BRDT: variants seen among roughly 807,000 people sequenced by gnomAD.
BRDT encodes the protein bromodomain testis-specific protein.
BRDT carries 77 observed loss-of-function variants against 113.9 expected under a neutral mutation model. The ratio of observed to expected loss-of-function variants is 0.68; its 90% CI spans 0.56 to 0.82. The LOEUF (loss-of-function observed/expected upper bound fraction) is 0.82, where lower values mean the gene tolerates loss of function less well. Ranked by LOEUF, BRDT falls within the 40% of genes least tolerant of loss-of-function variation. BRDT has a pLI of 0.00. For missense variants in BRDT, 1,027 were observed against 1,105.4 expected (o/e 0.93, Z 1.01); for synonymous variants, 358 against 366.5 (o/e 0.98, Z 0.26).
chr1:92,001,466 C>A (rs1052521258), intron 15 of BRDT, among the ~76,000 whole-genome samples: 1 of 152,036 alleles, frequency 6.6e-6, no homozygotes, highest in South Asian at 2.1e-4. Flanking sequence ...GAGGCTGAGG[C>A]GGGCAGATCA....
At chr1:92,007,545 A>G (rs1687431390) in intron 18 of BRDT, among the ~76,000 whole-genome samples, 1 of 152,176 alleles carries the variant, frequency 6.6e-6, no homozygotes, top group Non-Finnish European at 1.5e-5. Flanking sequence ...AGTTCCATCC[A>G]TGTTCCTGCA....
At chr1:91,968,489 G>A (rs777502998) in intron 4 of BRDT, among the ~76,000 whole-genome samples, 4 of 152,214 alleles carry the variant, frequency 2.6e-5, no homozygotes, top group Non-Finnish European at 5.9e-5. Flanking sequence ...CAGCTTTCTT[G>A]TAGCATAATG....
intron 18 of BRDT, 121 bp downstream of exon 18, chr1:92,005,420 T>G (rs1192560987): frequency 1.2e-6 from 1 of 856,098 alleles, no homozygotes; most frequent in African/African-American, 1.8e-5. Flanking sequence ...ACTTACCTCT[T>G]TAGTGAGGAT....
intron 12 of BRDT, among the ~76,000 whole-genome samples, chr1:91,985,579 T>A (rs914553397): frequency 1.3e-5 from 2 of 151,772 alleles, no homozygotes; most frequent in African/African-American, 2.4e-5. Flanking sequence ...ATGCAATTTT[T>A]CAAAGCAAGT....
intron 4 of BRDT, 32 bp from the exon 5 acceptor site, chr1:91,976,234 C>T (rs1684127985): frequency 1.3e-6 from 2 of 1,532,976 alleles, no homozygotes; most frequent in African/African-American, 2.8e-5. Context: ...TTTATTCATT[C>T]ATATATTTGA....
Position 91,994,121 on chromosome 1 carries a change from T to G in BRDT, c.2154T>G (p.Thr718=), listed in dbSNP as rs2101752173. 6.2e-7 allele frequency: 1 copy of G among 1,612,614 alleles called. No individual in the cohort carries two copies. The highest frequency in any genetic ancestry group is 2.2e-5 in the East Asian group (1 of 44,784). Residue 718 remains threonine, a synonymous_variant, in exon 15 of 19, where the codon ACT becomes ACG. Transcript: ENST00000399546. ...TGCAAGACACAACCTCTGCCAATAC[T>G]ACCCTTGTTCATCAGACCACACCTT... The part of the protein sequence containing the change: ...YCVQDTTSAN[T]TLVHQTTPSH...
At chr1:92,003,574 A>T (rs1466891604) in intron 16 of BRDT, among the ~76,000 whole-genome samples, 1 of 152,188 alleles carries the variant, frequency 6.6e-6, no homozygotes, top group African/African-American at 2.4e-5. Flanking sequence ...TAAAATGGAC[A>T]CAATTCAGTT....
chr1:91,996,567 A>G (rs1426070863), intron 15 of BRDT, among the ~76,000 whole-genome samples: 1 of 152,194 alleles, frequency 6.6e-6, no homozygotes, highest in African/African-American at 2.4e-5. Context: ...TAATAGGGAA[A>G]AAATTGCTGC....
At chr1:91,969,172 C>G (rs7544958) in intron 4 of BRDT, among the ~76,000 whole-genome samples, 2 of 151,804 alleles carry the variant, frequency 1.3e-5, no homozygotes, top group Non-Finnish European at 1.5e-5. Context: ...GATCTCCTGA[C>G]GTCGTGATCT....
At chr1:91,985,174 C>T (rs997240727) in intron 12 of BRDT, among the ~76,000 whole-genome samples, 1 of 152,118 alleles carries the variant, frequency 6.6e-6, no homozygotes. Flanking sequence ...CTCCGACTCC[C>T]GGGTTCAAGC....
At chr1:91,955,380 G>C (rs894613172) in intron 1 of BRDT, among the ~76,000 whole-genome samples, 3 of 151,946 alleles carry the variant, frequency 2.0e-5, no homozygotes, top group Admixed American at 6.6e-5. Flanking sequence ...CTTGAACCCG[G>C]GAGGCAGAGG....
In BRDT at chr1:92,005,188, G is replaced by T; in HGVS notation, c.2664G>T (p.Glu888Asp). ...NKIQNKCSGE[E>D]QKEHQQSSEA... Reference sequence around the variant, plus strand: ...TACAAAACAAGTGCTCTGGAGAAGAGCAGAAAGAACATCAGCAGTCATCAG... The same window carrying T: ...TACAAAACAAGTGCTCTGGAGAAGATCAGAAAGAACATCAGCAGTCATCAG... Residue 888 changes from glutamate (E) to aspartate (D), a missense_variant, in exon 18 of 19, where the codon GAG (glutamate) becomes GAT (aspartate). By Grantham distance (45) the Glu-to-Asp change is conservative. Coordinates refer to ENST00000399546, the MANE Select transcript of BRDT (RefSeq NM_207189.4). 6 of 1,577,242 alleles carry T rather than the reference G, an allele frequency of 3.8e-6. No individual in the cohort carries two copies. Among genetic ancestry groups the T allele is most frequent in the Non-Finnish European group, 4.3e-6 (5 of 1,164,454 alleles).
chr1:91,988,369 T>A, intron 12 of BRDT, among the ~76,000 whole-genome samples: 1 of 152,102 alleles, frequency 6.6e-6, no homozygotes. Flanking sequence ...GTGTAAGTTG[T>A]CATTATTGTT....
chr1:91,992,780 C>T (rs1570594870), intron 14 of BRDT, among the ~76,000 whole-genome samples: 2 of 152,174 alleles, frequency 1.3e-5, no homozygotes, highest in East Asian at 1.9e-4. Context: ...AGGTGACCCA[C>T]TCACCTCAGC....
chr1:91,971,063 T>C (rs1683586480), intron 4 of BRDT, among the ~76,000 whole-genome samples: 2 of 152,034 alleles, frequency 1.3e-5, no homozygotes, highest in Admixed American at 1.3e-4. Flanking sequence ...CTTTCAATCA[T>C]GGTCAAAGGC....
At chr1:91,981,585 T>G (rs1454835344) in intron 11 of BRDT, 33 bp from the exon 12 acceptor site, 1 of 1,606,976 alleles carries the variant, frequency 6.2e-7, no homozygotes. Context: ...ATTTAATTCT[T>G]CTGGCATTTT....
intron 4 of BRDT, among the ~76,000 whole-genome samples, chr1:91,973,714 T>A (rs898136028): frequency 6.6e-6 from 1 of 152,216 alleles, no homozygotes; most frequent in African/African-American, 2.4e-5. Flanking sequence ...TATAATCATG[T>A]CTTCTGCAAA....
At chr1:91,959,259 T>C (rs1025581143) in intron 1 of BRDT, among the ~76,000 whole-genome samples, 3 of 152,056 alleles carry the variant, frequency 2.0e-5, no homozygotes, top group Non-Finnish European at 2.9e-5. Flanking sequence ...CTGTAGTGAT[T>C]GGAGTGGTTA....
intron 16 of BRDT, 38 bp downstream of exon 16, chr1:92,002,187 G>A (rs772258438): frequency 6.8e-7 from 1 of 1,462,342 alleles, no homozygotes; most frequent in South Asian, 1.2e-5. Context: ...ATCTTGAAGG[G>A]ATTTGAAATT....
Sources: gnomAD v4.1 joint callset for allele counts (sites outside exome capture counted in the v4.1 genomes callset) on GRCh38, gnomAD v4.1.1 for gene constraint, MANE v1.5 for transcripts, NCBI Gene and HGNC (gene_info 2026-07-23, HGNC 2026-07-21) for gene names.